Variants in CELF4 observed in about 807,000 individuals in gnomAD.
CELF4 encodes CUGBP Elav-like family member 4.
CELF4 carries 18 observed loss-of-function variants against 59.9 expected under a neutral mutation model. The observed-to-expected ratio is 0.30, with a 90% confidence interval of 0.21 to 0.45. The LOEUF (loss-of-function observed/expected upper bound fraction) is 0.45, where lower values mean the gene tolerates loss of function less well. Ranked by LOEUF, CELF4 falls within the 20% of genes least tolerant of loss-of-function variation. CELF4 has a pLI of 1.00. For synonymous variants in CELF4, 261 were observed against 267.1 expected (o/e 0.98, Z 0.22); for missense variants, 456 against 689.0 (o/e 0.66, Z 3.79).
chr18:37,524,070 G>A (rs576512839), intron 1 of CELF4, among the ~76,000 whole-genome samples: 2 of 152,372 alleles, frequency 1.3e-5, no homozygotes, highest in South Asian at 4.1e-4. Flanking sequence ...AGCCTCCAAG[G>A]AGGTTAGATG....
At chr18:37,518,922 A>C (rs186516407) in intron 1 of CELF4, among the ~76,000 whole-genome samples, 5 of 152,352 alleles carry the variant, frequency 3.3e-5, no homozygotes, top group Non-Finnish European at 7.3e-5. Flanking sequence ...ACATGCACGC[A>C]CAAGTAATTT....
At chr18:37,297,982 G>A (rs541164200) in intron 3 of CELF4, among the ~76,000 whole-genome samples, 1 of 152,346 alleles carries the variant, frequency 6.6e-6, no homozygotes, top group South Asian at 2.1e-4. Flanking sequence ...GGCCAGAGGC[G>A]CAGCCACCAA....
intron 1 of CELF4, among the ~76,000 whole-genome samples, chr18:37,561,960 G>A (rs114569198): frequency 2.0e-3 from 297 of 152,300 alleles, no homozygotes; most frequent in African/African-American, 6.4e-3. Flanking sequence ...ACTAAACTCG[G>A]TTTTCTTCCT....
intron 2 of CELF4, among the ~76,000 whole-genome samples, chr18:37,333,688 C>T (rs969046964): frequency 6.6e-6 from 1 of 151,728 alleles, no homozygotes; most frequent in Non-Finnish European, 1.5e-5. Context: ...CTTGGTCTAC[C>T]AGCACTGAAG....
At position 37,312,575 on chromosome 18, in the gene CELF4, G is replaced by C. The variant is rs1392061917; in HGVS notation, c.448+9228C>G. ...GGGAAAACATGCCCACCTATAGCTTGAGAAATTCAGGTAGGGGATAGGGCA... is the reference window on the plus strand; with the variant it reads ...GGGAAAACATGCCCACCTATAGCTTCAGAAATTCAGGTAGGGGATAGGGCA... On this transcript the variant is annotated intron_variant, in intron 3 of 12. Coordinates refer to ENST00000420428, the MANE Select transcript of CELF4 (RefSeq NM_020180.4). 2.0e-5 allele frequency among the ~76,000 whole-genome samples: 3 copies of C among 152,228 alleles called. No homozygotes were observed. In the East Asian group the frequency reaches 5.8e-4, roughly 29 times the overall value.
intron 1 of CELF4, among the ~76,000 whole-genome samples, chr18:37,489,501 T>C (rs1483883870): frequency 6.6e-6 from 1 of 151,840 alleles, no homozygotes; most frequent in Admixed American, 6.6e-5. Flanking sequence ...GTGGGACACA[T>C]AGAACCCCCA....
intron 11 of CELF4, among the ~76,000 whole-genome samples, chr18:37,256,143 A>C (rs897015274): frequency 1.3e-5 from 2 of 152,192 alleles, no homozygotes; most frequent in African/African-American, 4.8e-5. Context: ...TCCTTCTTCC[A>C]GAGCTACCTC....
intron 3 of CELF4, among the ~76,000 whole-genome samples, chr18:37,304,683 T>G (rs1603418425): frequency 6.6e-6 from 1 of 152,126 alleles, no homozygotes; most frequent in Non-Finnish European, 1.5e-5. Context: ...GGAGGTGGGG[T>G]GAGGAGAACA....
At chr18:37,408,610 T>C (rs1278900281) in intron 2 of CELF4, among the ~76,000 whole-genome samples, 1 of 152,058 alleles carries the variant, frequency 6.6e-6, no homozygotes, top group Non-Finnish European at 1.5e-5. Context: ...TTTCCTAGAA[T>C]TGGAGGCAGA....
intron 2 of CELF4, among the ~76,000 whole-genome samples, chr18:37,471,585 T>G (rs1275964689): frequency 6.6e-6 from 1 of 152,070 alleles, no homozygotes; most frequent in Non-Finnish European, 1.5e-5. Flanking sequence ...GCCCAGGCAG[T>G]GTGACACTCA....
intron 3 of CELF4, among the ~76,000 whole-genome samples, chr18:37,296,065 C>A (rs575223303): frequency 1.7e-3 from 252 of 152,316 alleles, no homozygotes; most frequent in African/African-American, 5.7e-3. Flanking sequence ...TTCTCCTTGT[C>A]CCCCACAAAA....
chr18:37,341,767 A>T (rs1289425486), intron 2 of CELF4, among the ~76,000 whole-genome samples: 2 of 152,156 alleles, frequency 1.3e-5, no homozygotes, highest in Admixed American at 6.5e-5. Context: ...TGATGACAAA[A>T]GGAAGTGCTC....
At chr18:37,373,195 G>C (rs1490569770) in intron 2 of CELF4, among the ~76,000 whole-genome samples, 3 of 152,224 alleles carry the variant, frequency 2.0e-5, no homozygotes, top group Non-Finnish European at 2.9e-5. Context: ...GCATGCCACT[G>C]CCAGCTCCAA....
chr18:37,377,669 C>T (rs1301742863), intron 2 of CELF4, among the ~76,000 whole-genome samples: 1 of 152,156 alleles, frequency 6.6e-6, no homozygotes, highest in Non-Finnish European at 1.5e-5. Flanking sequence ...TTCAGGAAGA[C>T]GGGTGTGTTC....
chr18:37,262,301 T>A (rs1600874882), intron 10 of CELF4, among the ~76,000 whole-genome samples: 1 of 149,668 alleles, frequency 6.7e-6, no homozygotes, highest in East Asian at 2.0e-4. Flanking sequence ...CCTGGGAGAA[T>A]GGGGACAATA....
At chr18:37,431,826 G>T (rs2099668551) in intron 2 of CELF4, among the ~76,000 whole-genome samples, 2 of 152,194 alleles carry the variant, frequency 1.3e-5, no homozygotes, top group African/African-American at 4.8e-5. Context: ...CATCTGCAAG[G>T]CCGTCTGGGC....
intron 1 of CELF4, among the ~76,000 whole-genome samples, chr18:37,513,762 C>A (rs2099947270): frequency 6.6e-6 from 1 of 152,158 alleles, no homozygotes; most frequent in Non-Finnish European, 1.5e-5. Flanking sequence ...CTTTATCCAA[C>A]CTGTACTTTC....
chr18:37,277,538 G>C (rs948482802), intron 3 of CELF4, among the ~76,000 whole-genome samples: 2 of 152,174 alleles, frequency 1.3e-5, no homozygotes, highest in African/African-American at 2.4e-5. Context: ...GAAAGGGAGT[G>C]GGGGAGAGAA....
chr18:37,429,741 G>A (rs937461469), intron 2 of CELF4, among the ~76,000 whole-genome samples: 13 of 152,174 alleles, frequency 8.5e-5, no homozygotes, highest in Middle Eastern at 6.8e-3. Flanking sequence ...AGATCTTGAT[G>A]AGGCTAGGGC....
Sources: allele counts gnomAD v4.1 joint callset (sites outside exome capture counted in the v4.1 genomes callset), GRCh38; gene constraint gnomAD v4.1.1; transcripts MANE v1.5; gene names NCBI Gene and HGNC (gene_info 2026-07-23, HGNC 2026-07-21).